The following ADAMTS19 variants were observed in gnomAD, a reference collection of about 807,000 sequenced individuals.
The protein encoded by ADAMTS19 is A disintegrin and metalloproteinase with thrombospondin motifs 19.
ADAMTS19 carries 93 observed loss-of-function variants against 153.3 expected under a neutral mutation model. The observed-to-expected ratio is 0.61, with a 90% CI of 0.51 to 0.72. ADAMTS19 has a LOEUF of 0.72. Among genes scored for constraint, ADAMTS19 ranks in the 30% least tolerant of loss-of-function variants. The pLI, the probability that ADAMTS19 is intolerant of heterozygous loss-of-function variation, is 0.00. For synonymous variants in ADAMTS19, 600 were observed against 556.6 expected, an observed-to-expected ratio of 1.08 and a Z score of -1.10; for missense variants, 1,482 against 1,552.1, an observed-to-expected ratio of 0.95 and a Z score of 0.76.
intron 6 of ADAMTS19, among the ~76,000 whole-genome samples, chr5:129,550,398 A>C (rs1182208571): frequency 0.021 from 627 of 30,484 alleles, 50 homozygotes; most frequent in African/African-American, 0.052. Flanking sequence ...GTATCTGTAT[A>C]TGTATGTATC....
chr5:129,713,254 T>A (rs1756563099), intron 21 of ADAMTS19, among the ~76,000 whole-genome samples: 2 of 152,222 alleles, frequency 1.3e-5, no homozygotes, highest in Admixed American at 1.3e-4. Context: ...GAATTTGATA[T>A]GAATTTTATA....
intron 15 of ADAMTS19, among the ~76,000 whole-genome samples, chr5:129,661,904 T>A (rs1304152234): frequency 6.6e-6 from 1 of 152,170 alleles, no homozygotes; most frequent in Non-Finnish European, 1.5e-5. Context: ...GTGTTAACTA[T>A]TTTTTTCTAT....
chr5:129,504,210 C>T (rs1171506966), intron 2 of ADAMTS19, among the ~76,000 whole-genome samples: 3 of 152,298 alleles, frequency 2.0e-5, no homozygotes, highest in Admixed American at 6.5e-5. Flanking sequence ...CATAATGCCT[C>T]CTCTATAAGG....
chr5:129,627,095 G>A (rs1752084912), intron 10 of ADAMTS19, among the ~76,000 whole-genome samples: 1 of 152,072 alleles, frequency 6.6e-6, no homozygotes, highest in African/African-American at 2.4e-5. Context: ...AAGTAGGAAT[G>A]TAAGCAGGTC....
At chr5:129,483,488 C>A (rs1362303003) in intron 2 of ADAMTS19, among the ~76,000 whole-genome samples, 1 of 152,154 alleles carries the variant, frequency 6.6e-6, no homozygotes, top group Non-Finnish European at 1.5e-5. Context: ...ATGACCTCTA[C>A]CCCTAGATGC....
chr5:129,612,111 T>C (rs1751253905), intron 8 of ADAMTS19, among the ~76,000 whole-genome samples: 1 of 145,600 alleles, frequency 6.9e-6, no homozygotes, highest in East Asian at 2.0e-4. Flanking sequence ...GTCCTAATGC[T>C]ATCCCTCCCC....
Position 129,460,480 on chromosome 5 carries a change from C to G in ADAMTS19, c.89C>G (p.Ser30Ter). 6.2e-7 allele frequency: 1 copy of G among 1,614,158 alleles called. No homozygotes were observed. Among genetic ancestry groups the G allele is most frequent in the Non-Finnish European group, 8.5e-7 (1 of 1,180,014 alleles). ...QLGFLSNGIV[S>*]ELQFAPDREE... ...GGGTTCCTGTCGAATGGGATCGTTTCAGGTAAGTTCTTCCGTGACTTTCTC... is the reference window on the plus strand; with the variant it reads ...GGGTTCCTGTCGAATGGGATCGTTTGAGGTAAGTTCTTCCGTGACTTTCTC... Residue 30 changes from serine to a stop codon, truncating the protein, a stop_gained and splice_region_variant, in exon 1 of 23, where the codon TCA becomes TGA. Coordinates refer to ENST00000274487, the MANE Select transcript of ADAMTS19 (RefSeq NM_133638.6). LOFTEE classifies it high-confidence loss of function.
intron 2 of ADAMTS19, among the ~76,000 whole-genome samples, chr5:129,483,752 G>C (rs568787327): frequency 5.3e-5 from 8 of 152,130 alleles, no homozygotes; most frequent in Non-Finnish European, 1.5e-5. Flanking sequence ...ATGAAGAAAG[G>C]TGGCCATATT....
intron 21 of ADAMTS19, among the ~76,000 whole-genome samples, chr5:129,719,693 T>G (rs1330517490): frequency 6.6e-6 from 1 of 152,204 alleles, no homozygotes; most frequent in Non-Finnish European, 1.5e-5. Flanking sequence ...CAAAACGATA[T>G]GATTAAAGTA....
At chr5:129,557,937 G>C (rs1307866233) in intron 7 of ADAMTS19, among the ~76,000 whole-genome samples, 1 of 151,740 alleles carries the variant, frequency 6.6e-6, no homozygotes, top group African/African-American at 2.4e-5. Context: ...AGAAATGCAA[G>C]AGTAGTTTAA....
chr5:129,517,708 G>A (rs1751659395), intron 3 of ADAMTS19, among the ~76,000 whole-genome samples: 1 of 151,912 alleles, frequency 6.6e-6, no homozygotes, highest in Non-Finnish European at 1.5e-5. Context: ...GTAGGCAACA[G>A]ATCAATGGGT....
rs550484946 is a variant in ADAMTS19 at position 129,495,300 on chromosome 5, T to G, written c.748-13777T>G. ...GCATTCTTCATTCCAGAGACATTTT[T>G]CATTCAACATTCATTGCCCTAATTT... On this transcript the variant is annotated intron_variant, in intron 2 of 22. Coordinates refer to ENST00000274487, the MANE Select transcript of ADAMTS19 (RefSeq NM_133638.6). 2.6e-5 allele frequency among the ~76,000 whole-genome samples: 4 copies of G among 152,232 alleles called. No individual in the cohort carries two copies. In the East Asian group the frequency reaches 7.7e-4, roughly 29 times the overall value.
intron 2 of ADAMTS19, among the ~76,000 whole-genome samples, chr5:129,474,137 T>A (rs1224002419): frequency 6.6e-6 from 1 of 152,138 alleles, no homozygotes; most frequent in Non-Finnish European, 1.5e-5. Flanking sequence ...TTCATATAAA[T>A]GTAATCATAT....
intron 19 of ADAMTS19, among the ~76,000 whole-genome samples, chr5:129,699,048 C>T (rs1755701137): frequency 6.6e-6 from 1 of 152,108 alleles, no homozygotes; most frequent in Non-Finnish European, 1.5e-5. Context: ...TGGATCATTG[C>T]TAGGAATACT....
chr5:129,655,088 C>G (rs1310319402), intron 14 of ADAMTS19, among the ~76,000 whole-genome samples: 1 of 152,068 alleles, frequency 6.6e-6, no homozygotes, highest in Non-Finnish European at 1.5e-5. Flanking sequence ...GTTGACATTC[C>G]CTGGAAGATT....
chr5:129,498,927 A>G (rs1268921659), intron 2 of ADAMTS19, among the ~76,000 whole-genome samples: 1 of 151,808 alleles, frequency 6.6e-6, no homozygotes, highest in African/African-American at 2.4e-5. Flanking sequence ...CTAAATATAC[A>G]AAGTCCATGA....
intron 2 of ADAMTS19, among the ~76,000 whole-genome samples, chr5:129,469,512 C>T (rs991047088): frequency 1.3e-5 from 2 of 152,060 alleles, no homozygotes; most frequent in African/African-American, 2.4e-5. Flanking sequence ...TATGCTTACC[C>T]TTCTTTTTAG....
chr5:129,502,453 C>T (rs1433775233), intron 2 of ADAMTS19, among the ~76,000 whole-genome samples: 7 of 152,174 alleles, frequency 4.6e-5, no homozygotes, highest in Admixed American at 1.3e-4. Flanking sequence ...AGGCAAGCCA[C>T]GCAATATTTC....
At chr5:129,530,993 A>C (rs1043121569) in intron 6 of ADAMTS19, among the ~76,000 whole-genome samples, 1 of 152,160 alleles carries the variant, frequency 6.6e-6, no homozygotes, top group Non-Finnish European at 1.5e-5. Flanking sequence ...AAAACCAATT[A>C]TGTTTATATA....
Sources: gnomAD v4.1 joint callset for allele counts (sites outside exome capture counted in the v4.1 genomes callset) on GRCh38, gnomAD v4.1.1 for gene constraint, MANE v1.5 for transcripts, NCBI Gene and HGNC (gene_info 2026-07-23, HGNC 2026-07-21) for gene names.